The following MTMR7 variants were observed in gnomAD, a reference collection of about 807,000 sequenced individuals.
The protein encoded by MTMR7 is myotubularin related protein 7, also known as phosphatidylinositol-3-phosphate phosphatase MTMR7.
MTMR7 carries 76 observed loss-of-function variants against 81.2 expected under a neutral mutation model. The observed-to-expected ratio is 0.94, with a 90% confidence interval of 0.78 to 1.13. The LOEUF is 1.13. Among genes scored for constraint, MTMR7 ranks in the 50% most tolerant of loss-of-function variants. The probability of loss-of-function intolerance (pLI) is 0.00; values close to 1 mark genes in which losing one functional copy is unlikely to be tolerated. For synonymous variants in MTMR7, 372 were observed against 289.8 expected (o/e 1.28, Z -2.88); for missense variants, 1,044 against 820.0 (o/e 1.27, Z -3.34).
intron 3 of MTMR7, 117 bp downstream of exon 3, chr8:17,370,920 A>C: frequency 9.3e-7 from 1 of 1,075,164 alleles, no homozygotes; most frequent in Non-Finnish European, 1.3e-6. Flanking sequence ...CCTGAGAACG[A>C]GACTGACACA....
intron 1 of MTMR7, among the ~76,000 whole-genome samples, chr8:17,389,140 G>A (rs1161379174): frequency 6.6e-6 from 1 of 152,030 alleles, no homozygotes; most frequent in East Asian, 1.9e-4. Flanking sequence ...CTCACCTCCA[G>A]CCTGACACCC....
intron 7 of MTMR7, among the ~76,000 whole-genome samples, chr8:17,319,963 G>A (rs577097623): frequency 4.5e-4 from 69 of 152,196 alleles, no homozygotes; most frequent in African/African-American, 1.6e-3. Flanking sequence ...TGTCTGATCA[G>A]GATTGAGATA....
intron 1 of MTMR7, among the ~76,000 whole-genome samples, chr8:17,378,053 G>C (rs978137363): frequency 2.0e-5 from 3 of 152,128 alleles, no homozygotes; most frequent in Non-Finnish European, 2.9e-5. Flanking sequence ...AAGCTCAGTG[G>C]AGCAGAATAA....
At chr8:17,385,105 C>T (rs1820888948) in intron 1 of MTMR7, among the ~76,000 whole-genome samples, 1 of 152,194 alleles carries the variant, frequency 6.6e-6, no homozygotes, top group South Asian at 2.1e-4. Flanking sequence ...AAACTGCATT[C>T]TGCTGTGAAA....
At chr8:17,346,884 T>TAAAAAAAAAA (rs55910829) in intron 5 of MTMR7, among the ~76,000 whole-genome samples, 1 of 65,038 alleles carries the variant, frequency 1.5e-5, no homozygotes, top group African/African-American at 5.5e-5. Flanking sequence ...CCTATCTTAA[T>TAAAAAAAAAA]AAAAAAAAAA....
intron 1 of MTMR7, among the ~76,000 whole-genome samples, chr8:17,409,034 A>G (rs1293092474): frequency 2.0e-5 from 3 of 152,250 alleles, no homozygotes; most frequent in Non-Finnish European, 4.4e-5. Context: ...TATCTCACAT[A>G]TTATGTCAGA....
chr8:17,321,146 T>C (rs1342745114), intron 7 of MTMR7, among the ~76,000 whole-genome samples: 3 of 152,192 alleles, frequency 2.0e-5, no homozygotes, highest in Non-Finnish European at 4.4e-5. Flanking sequence ...AAAGATCCTT[T>C]TCACCACCTT....
At chr8:17,382,315 G>C (rs1159907817) in intron 1 of MTMR7, among the ~76,000 whole-genome samples, 2 of 152,192 alleles carry the variant, frequency 1.3e-5, no homozygotes, top group Non-Finnish European at 2.9e-5. Context: ...AAGCTGCCCA[G>C]CCACAGTGGC....
At chr8:17,332,882 C>T (rs1819083650) in intron 6 of MTMR7, among the ~76,000 whole-genome samples, 1 of 152,020 alleles carries the variant, frequency 6.6e-6, no homozygotes. Flanking sequence ...AAAACGGTAC[C>T]AATTTGGCAG....
At chr8:17,320,698 T>C (rs1818338601) in intron 7 of MTMR7, among the ~76,000 whole-genome samples, 1 of 152,224 alleles carries the variant, frequency 6.6e-6, no homozygotes, top group South Asian at 2.1e-4. Flanking sequence ...TCGGCCCTTC[T>C]GGAGATCTGA....
chr8:17,307,789 A>G (rs1817552871), intron 10 of MTMR7, among the ~76,000 whole-genome samples: 1 of 152,088 alleles, frequency 6.6e-6, no homozygotes, highest in South Asian at 2.1e-4. Flanking sequence ...CGCAAGGACA[A>G]AAAAACCAAA....
chr8:17,380,343 T>C (rs1427991384), intron 1 of MTMR7, among the ~76,000 whole-genome samples: 1 of 152,200 alleles, frequency 6.6e-6, no homozygotes, highest in Non-Finnish European at 1.5e-5. Flanking sequence ...GAGCTCAAGT[T>C]AATCCCCACA....
At chr8:17,385,471 C>G (rs983341241) in intron 1 of MTMR7, among the ~76,000 whole-genome samples, 1 of 152,162 alleles carries the variant, frequency 6.6e-6, no homozygotes. Context: ...GGGAGCTTCC[C>G]TGCATAAGCC....
At chr8:17,342,496 G>C (rs1819434044) in intron 5 of MTMR7, among the ~76,000 whole-genome samples, 1 of 152,152 alleles carries the variant, frequency 6.6e-6, no homozygotes, top group Non-Finnish European at 1.5e-5. Context: ...CCATGAAGGG[G>C]CACCCCAACT....
chr8:17,397,609 G>A (rs1821301591), intron 1 of MTMR7, among the ~76,000 whole-genome samples: 1 of 152,190 alleles, frequency 6.6e-6, no homozygotes, highest in African/African-American at 2.4e-5. Context: ...TTGGCTCCCA[G>A]ACAACATCTC....
chr8:17,353,859 C>A (rs1819807599), intron 4 of MTMR7, among the ~76,000 whole-genome samples: 1 of 152,192 alleles, frequency 6.6e-6, no homozygotes, highest in Admixed American at 6.5e-5. Flanking sequence ...CAAGGGGAAT[C>A]TTTTGGTAAC....
chr8:17,300,984 T>G (rs1291795682), intron 13 of MTMR7, among the ~76,000 whole-genome samples: 1 of 152,216 alleles, frequency 6.6e-6, no homozygotes, highest in Non-Finnish European at 1.5e-5. Context: ...CAGTATTCCA[T>G]TACATGGATA....
rs1819410341 is a variant in MTMR7, at chr8:17,341,603, C to T, written c.598-106G>A. The T allele has an allele frequency of 1.8e-5, 24 of 1,364,364 alleles. 1 individual carries two copies. The South Asian group carries it at 2.5e-4, about 14-fold the overall frequency. 84.5% of individuals were successfully genotyped at this position (1,364,364 alleles called of 1,614,324 possible). On this transcript the variant is annotated intron_variant, in intron 5 of 13. Coordinates refer to ENST00000180173, the MANE Select transcript of MTMR7 (RefSeq NM_004686.5). ...AAGAGCCCTTGGCTCACTGATAGTC[C>T]ACCTCGGCTTATGAAAACGTGATAC...
At chr8:17,346,444 C>T (rs925694171) in intron 5 of MTMR7, among the ~76,000 whole-genome samples, 3 of 152,096 alleles carry the variant, frequency 2.0e-5, no homozygotes, top group African/African-American at 7.2e-5. Context: ...CTCTTAAGCT[C>T]TAACTATGCT....
Sources: gnomAD v4.1 joint callset for allele counts (sites outside exome capture counted in the v4.1 genomes callset) on GRCh38, gnomAD v4.1.1 for gene constraint, MANE v1.5 for transcripts, NCBI Gene and HGNC (gene_info 2026-07-23, HGNC 2026-07-21) for gene names.